Variants in DIMT1 observed in about 807,000 individuals in gnomAD.
The protein encoded by DIMT1 is dimethyladenosine transferase.
Under a neutral mutation model 43.2 loss-of-function variants are expected in DIMT1, and 36 were observed. The ratio of observed to expected loss-of-function variants is 0.83; its 90% CI spans 0.64 to 1.10. The LOEUF (loss-of-function observed/expected upper bound fraction) is 1.10. DIMT1 is among the 50% of genes least tolerant of loss of function. The pLI, the probability that DIMT1 is intolerant of heterozygous loss-of-function variation, is 0.00. For missense variants in DIMT1, 341 were observed against 385.3 expected (o/e 0.88, Z 0.96); for synonymous variants, 126 against 130.3 (o/e 0.97, Z 0.22).
At chr5:62,392,698 T>C (rs56380089) in intron 9 of DIMT1, 21,756 of 422,862 alleles carry the variant, frequency 0.051, 706 homozygotes, top group Non-Finnish European at 0.067. Flanking sequence ...AGTTTGGGAG[T>C]GTTTTCCTGT....
chr5:62,390,108 G>T (rs536357545), intron 11 of DIMT1, among the ~76,000 whole-genome samples: 100 of 152,256 alleles, frequency 6.6e-4, no homozygotes, highest in African/African-American at 2.3e-3. Flanking sequence ...ATGACTTTTA[G>T]AACAATCTAC....
Position 62,392,085 on chromosome 5 carries a change from A to C in DIMT1, c.792+86T>G, listed in dbSNP as rs573611624. 66 of 1,605,138 alleles carry C rather than the reference A, an allele frequency of 4.1e-5. No homozygotes were observed. In the African/African-American group the frequency reaches 7.4e-4, roughly 18 times the overall value. ...AAGGATCTTATGGAATGTACAAAAT[A>C]ATCTCATGCTAGATCAACAAGAATA... On this transcript the variant is annotated intron_variant, in intron 10 of 11. Transcript: ENST00000199320.
chr5:62,392,018 C>A, intron 10 of DIMT1, 153 bp downstream of exon 10: 1 of 1,549,104 alleles, frequency 6.5e-7, no homozygotes, highest in South Asian at 1.2e-5. Context: ...TGTCAGAATT[C>A]AAGTCAAAAT....
chr5:62,388,007 CTA>C lies in DIMT1; in HGVS notation c.*1001_*1002del, dbSNP rs1258990536. ...TAGAAACAAAATAGCTACTATAACT[CTA>C]TTATAGTATATTAACAGCACTTAGT... On this transcript the variant is annotated 3_prime_UTR_variant, in exon 12 of 12. Transcript: ENST00000199320. The C allele has an allele frequency of 1.3e-5, 2 of 151,890 alleles. No individual in the cohort carries two copies. Among genetic ancestry groups the C allele is most frequent in the Non-Finnish European group, 2.9e-5 (2 of 67,948 alleles). The allele number at this position is 151,890 out of a possible 1,614,324, so 9.4% of individuals were successfully genotyped here.
chr5:62,393,867 AT>A (rs1742388618), intron 8 of DIMT1, 87 bp downstream of exon 8: 3 of 1,137,398 alleles, frequency 2.6e-6, no homozygotes, highest in African/African-American at 3.2e-5. Flanking sequence ...ATTTAGGTTG[AT>A]TCAATATTTT....
At chr5:62,394,144 A>G (rs982609100) in intron 7 of DIMT1, 97 bp from the exon 8 acceptor site, 15 of 1,120,672 alleles carry the variant, frequency 1.3e-5, no homozygotes, top group Non-Finnish European at 2.0e-5. Flanking sequence ...TGGATGCTCA[A>G]GGATGAATTA....
Position 62,394,548 on chromosome 5 carries a change from T to C in DIMT1, c.506A>G (p.Asp169Gly), listed in dbSNP as rs756408984. The change falls in exon 7 of 12, where the codon GAT becomes GGT. Residue 169 changes from aspartate to glycine, a missense_variant. Physicochemically the swap from Asp to Gly is moderately conservative, Grantham distance 94. Coordinates refer to ENST00000199320, the MANE Select transcript of DIMT1 (RefSeq NM_014473.4). ...AATTGAGAGTCTGCAGTATAACTTA[T>C]CTCCAGGTTTTGCAACCAGTCGGAG... Reference protein sequence around the residue: ...FALRLVAKPGDKLYCRLSINT... With the variant: ...FALRLVAKPGGKLYCRLSINT... The C allele has an allele frequency of 6.2e-7, 1 of 1,614,070 alleles. No individual in the cohort carries two copies. Among genetic ancestry groups the C allele is most frequent in the East Asian group, 2.2e-5 (1 of 44,898 alleles).
intron 2 of DIMT1, 133 bp from the exon 3 acceptor site, chr5:62,402,255 T>C (rs1254479583): frequency 2.3e-6 from 2 of 852,124 alleles, no homozygotes; most frequent in Non-Finnish European, 3.6e-6. Flanking sequence ...GATTTCTTCA[T>C]GATCTACGTG....
intron 6 of DIMT1, among the ~76,000 whole-genome samples, chr5:62,394,962 G>A (rs1353078839): frequency 6.6e-6 from 1 of 152,046 alleles, no homozygotes; most frequent in Non-Finnish European, 1.5e-5. Context: ...AGGAAGAGGT[G>A]AGACTGAAGA....
Position 62,398,896 on chromosome 5 carries a change from A to T in DIMT1, c.241-15T>A, listed in dbSNP as rs1356789766. ...CAAGCAACAACCTAATTTAAAAAAA[A>T]TAAAAATTATTTAGGTTAATTATGG... is the stretch of plus-strand genomic sequence containing the variant. On this transcript the variant is annotated splice_polypyrimidine_tract_variant and intron_variant, in intron 3 of 11. Coordinates refer to ENST00000199320, the MANE Select transcript of DIMT1 (RefSeq NM_014473.4). The T allele has an allele frequency of 6.3e-7, 1 of 1,579,040 alleles. No individual in the cohort carries two copies. Among genetic ancestry groups the T allele is most frequent in the Admixed American group, 1.7e-5 (1 of 58,164 alleles).
In DIMT1 at chr5:62,392,955, C is replaced by G; in HGVS notation, c.699G>C (p.Arg233Ser). Residue 233 changes from arginine (R) to serine (S), a missense_variant, in exon 9 of 12, where the codon AGG becomes AGC. Arg to Ser is a moderately radical substitution (Grantham distance 110). Transcript: ENST00000199320. ...ATGCAGCAGAGAGTGTCTTGTTTTTCCTAACAAAGGTTATCCTTACTAGAC... is the reference window on the plus strand; with the variant it reads ...ATGCAGCAGAGAGTGTCTTGTTTTTGCTAACAAAGGTTATCCTTACTAGAC... ...WDGLVRITFV[R>S]KNKTLSAAFK... The G allele has an allele frequency of 6.2e-7, 1 of 1,610,718 alleles. No individual in the cohort carries two copies. The highest frequency in any genetic ancestry group is 8.5e-7 in the Non-Finnish European group (1 of 1,177,412).
chr5:62,393,566 T>G (rs1404155387), intron 8 of DIMT1, among the ~76,000 whole-genome samples: 1 of 152,240 alleles, frequency 6.6e-6, no homozygotes, highest in African/African-American at 2.4e-5. Context: ...TTACCACCAG[T>G]TGACCACACA....
intron 6 of DIMT1, among the ~76,000 whole-genome samples, chr5:62,397,228 G>A (rs1196257309): frequency 2.0e-5 from 3 of 152,120 alleles, no homozygotes; most frequent in Non-Finnish European, 4.4e-5. Context: ...ATAGGTGTGA[G>A]CCACTCCACC....
In DIMT1 at chr5:62,403,725, C is replaced by G. The variant is rs1449613709; in HGVS notation, c.48G>C (p.Gln16His). 1.9e-6 allele frequency: 3 copies of G among 1,609,912 alleles called. No homozygotes were observed. Among genetic ancestry groups the G allele is most frequent in the Admixed American group, 3.3e-5 (2 of 59,764 alleles). The change falls in exon 1 of 12, where the codon CAG becomes CAC. Residue 16 changes from glutamine to histidine, a missense_variant. By Grantham distance (24) the Gln-to-His change is conservative. Coordinates refer to ENST00000199320, the MANE Select transcript of DIMT1 (RefSeq NM_014473.4). ...CGCTCTTCAGCTCCCGGCGCTGCTC[C>G]TGCCGCCCGCGGCGGCGGCCGATGG... ...SGAIGRRRGRQEQRRELKSAG... is the reference protein window; with the variant it reads ...SGAIGRRRGRHEQRRELKSAG...
At chr5:62,403,246 T>G (rs758911734) in intron 2 of DIMT1, 27 bp downstream of exon 2, 1 of 1,598,880 alleles carries the variant, frequency 6.3e-7, no homozygotes, top group Non-Finnish European at 8.6e-7. Flanking sequence ...AACCAACAAC[T>G]CTCTCCCTTT....
rs1214462067 is a variant in DIMT1 at position 62,391,915 on chromosome 5, TATGGCTAAAAACAACTGTC to T, written c.792+237_792+255del. ...TGTAACTGCTGAATCTGATTCTTGT[TATGGCTAAAAACAACTGTC>T]AGTAGTTAGAGGACAGGGTGGAGTA... On this transcript the variant is annotated intron_variant, in intron 10 of 11. Coordinates refer to ENST00000199320, the MANE Select transcript of DIMT1 (RefSeq NM_014473.4). 4.6e-6 allele frequency: 7 copies of T among 1,534,434 alleles called. No homozygotes were observed. In the East Asian group the frequency reaches 1.5e-4, roughly 32 times the overall value.
intron 9 of DIMT1, 194 bp downstream of exon 9, chr5:62,392,730 ACT>A (rs1742353294): frequency 1.1e-5 from 5 of 455,986 alleles, no homozygotes; most frequent in East Asian, 1.1e-4. Flanking sequence ...ATGTGATCTG[ACT>A]CTCAACTCCA....
In DIMT1 at chr5:62,403,340, A is replaced by G. The variant is rs1162926989; in HGVS notation, c.86T>C (p.Met29Thr). 2 of 1,613,900 alleles carry G rather than the reference A, an allele frequency of 1.2e-6. No individual in the cohort carries two copies. Among genetic ancestry groups the G allele is most frequent in the South Asian group, 1.1e-5 (1 of 91,044 alleles). Residue 29 changes from methionine to threonine, a missense_variant, in exon 2 of 12, where the codon ATG (methionine) becomes ACG (threonine). By Grantham distance (81) the Met-to-Thr change is moderately conservative. Transcript: ENST00000199320. ...RRELKSAGGL[M>T]FNTGIGQHIL... The stretch of plus-strand genomic sequence containing the variant: ...GTGCTGCCCAATCCCCGTGTTGAAC[A>G]TGAGTCCTGTAAGAAAATACGAAAC...
At chr5:62,391,838 C>A in intron 10 of DIMT1, 1 of 1,456,648 alleles carries the variant, frequency 6.9e-7, no homozygotes, top group Non-Finnish European at 9.0e-7. Flanking sequence ...CAGTAAACTA[C>A]ACAATTATTT....
Sources: allele counts gnomAD v4.1 joint callset (sites outside exome capture counted in the v4.1 genomes callset), GRCh38; gene constraint gnomAD v4.1.1; transcripts MANE v1.5; gene names NCBI Gene and HGNC (gene_info 2026-07-23, HGNC 2026-07-21).